The following GALNS variants were observed in gnomAD, a reference collection of about 807,000 sequenced individuals.
The protein encoded by GALNS is galactosamine (N-acetyl)-6-sulfatase.
Under a neutral mutation model 65.9 loss-of-function variants are expected in GALNS, and 65 were observed. The ratio of observed to expected loss-of-function variants is 0.99; its 90% confidence interval spans 0.81 to 1.21. The LOEUF is 1.21. GALNS is among the 50% of genes most tolerant of loss of function. GALNS has a pLI of 0.00. For missense variants in GALNS, 776 were observed against 700.7 expected, an observed-to-expected ratio of 1.11 and a Z score of -1.21; for synonymous variants, 346 against 288.9, an observed-to-expected ratio of 1.20 and a Z score of -2.00.
chr16:88,856,394 G>A, intron 1 of GALNS: 1 of 701,790 alleles, frequency 1.4e-6, no homozygotes, highest in Non-Finnish European at 2.6e-6. Context: ...CCCAAGAGTA[G>A]AGGGCGGGAA....
chr16:88,836,107 T>C, intron 6 of GALNS, 94 bp downstream of exon 6: 1 of 1,236,964 alleles, frequency 8.1e-7, no homozygotes. Context: ...GTGAGGTTGA[T>C]GCATTCCTGT....
intron 1 of GALNS, among the ~76,000 whole-genome samples, chr16:88,853,558 C>A (rs890056378): frequency 6.6e-6 from 1 of 152,308 alleles, no homozygotes; most frequent in Non-Finnish European, 1.5e-5. Flanking sequence ...GGCTGACCCT[C>A]CTTAACCCTA....
At chr16:88,846,280 G>T (rs758536821) in intron 1 of GALNS, among the ~76,000 whole-genome samples, 1 of 152,148 alleles carries the variant, frequency 6.6e-6, no homozygotes. Context: ...TAACATGGGG[G>T]TGGACCCTCA....
chr16:88,818,161 G>C (rs1464217727), intron 12 of GALNS, 37 bp from the exon 13 acceptor site: 1 of 1,507,330 alleles, frequency 6.6e-7, no homozygotes, highest in Admixed American at 1.9e-5. Context: ...GGCTGGGGCT[G>C]ACAGCGAAGG....
intron 10 of GALNS, among the ~76,000 whole-genome samples, chr16:88,825,494 TGGGGTGCCTGG>T (rs1910778063): frequency 8.0e-6 from 1 of 124,602 alleles, no homozygotes; most frequent in African/African-American, 3.1e-5. Flanking sequence ...CGGCCGGGGC[TGGGGTGCCTGG>T]ATGTCTGGGG....
intron 2 of GALNS, chr16:88,842,249 G>A (rs763439592): frequency 1.7e-6 from 1 of 579,446 alleles, no homozygotes; most frequent in Non-Finnish European, 3.1e-6. Context: ...CACCCACTGG[G>A]CGTGCAGGTC....
In GALNS at chr16:88,854,107, G is replaced by A. The variant is rs114145530; in HGVS notation, c.120+2651C>T. ...GGGGGAGACTGGGCTGGAGGCAGCC[G>A]GTCCCTGGAGGGCCATGCTCCAAAA... On this transcript the variant is annotated intron_variant, in intron 1 of 13. Coordinates refer to ENST00000268695, the MANE Select transcript of GALNS (RefSeq NM_000512.5). 4.3e-3 allele frequency among the ~76,000 whole-genome samples: 655 copies of A among 152,342 alleles called. 7 individuals carry two copies. The highest frequency in any genetic ancestry group is 0.015 in the African/African-American group (609 of 41,572).
chr16:88,825,091 ACT>A (rs1910684868), intron 10 of GALNS, among the ~76,000 whole-genome samples: 145 of 86,610 alleles, frequency 1.7e-3, no homozygotes, highest in Admixed American at 4.1e-3. Flanking sequence ...GGCTGGGGTG[ACT>A]GGGTATCTGG....
chr16:88,820,919 C>T (rs1016348741), intron 12 of GALNS, among the ~76,000 whole-genome samples: 3 of 152,136 alleles, frequency 2.0e-5, no homozygotes, highest in Non-Finnish European at 2.9e-5. Flanking sequence ...TCCCCGTGGT[C>T]CCCCTGGGAC....
At chr16:88,832,231 C>T in intron 8 of GALNS, 130 bp from the exon 9 acceptor site, 2 of 839,790 alleles carry the variant, frequency 2.4e-6, no homozygotes, top group Non-Finnish European at 2.0e-6. Flanking sequence ...GGCTGGAGTG[C>T]ATGATCCGAG....
At position 88,814,215 on chromosome 16, in the gene GALNS, G is replaced by A. The variant is rs111233947; in HGVS notation, c.*224C>T. 4 of 625,832 alleles carry A rather than the reference G, an allele frequency of 6.4e-6. No homozygotes were observed. Among genetic ancestry groups the A allele is most frequent in the Non-Finnish European group, 8.5e-6 (3 of 354,048 alleles). The allele number at this position is 625,832 out of a possible 1,614,324, so 38.8% of individuals were successfully genotyped here. A position where few individuals can be genotyped will look rare whatever the true frequency, so the allele number is the denominator to read the frequency against. On this transcript the variant is annotated 3_prime_UTR_variant, in exon 14 of 14. Coordinates refer to ENST00000268695, the MANE Select transcript of GALNS (RefSeq NM_000512.5). ...TGAGGTCTGAGGCGCCGTGGGCGAG[G>A]AGGAGGGTCCTGAAATCTGAGGCGC...
chr16:88,829,285 G>C (rs1911246491), intron 9 of GALNS, among the ~76,000 whole-genome samples: 1 of 152,204 alleles, frequency 6.6e-6, no homozygotes, highest in South Asian at 2.1e-4. Flanking sequence ...TACCCTCAGG[G>C]GGATGGCGCT....
intron 1 of GALNS, chr16:88,855,919 C>A: frequency 1.8e-6 from 1 of 546,782 alleles, no homozygotes; most frequent in East Asian, 3.1e-5. Flanking sequence ...CCAGTCCTCA[C>A]ACACAACGTG....
intron 1 of GALNS, chr16:88,856,117 C>A: frequency 1.4e-6 from 1 of 698,702 alleles, no homozygotes; most frequent in Non-Finnish European, 2.6e-6. Context: ...GGGAAGGAGG[C>A]CTCCAGGCTG....
At position 88,814,293 on chromosome 16, in the gene GALNS, G is replaced by C. The variant is rs1205121682; in HGVS notation, c.*146C>G. The C allele has an allele frequency of 6.0e-5, 65 of 1,088,294 alleles. No homozygotes were observed. Among genetic ancestry groups the C allele is most frequent in the Non-Finnish European group, 2.7e-6 (2 of 732,302 alleles). The allele number at this position is 1,088,294 out of a possible 1,614,324, so 67.4% of individuals were successfully genotyped here. On this transcript the variant is annotated 3_prime_UTR_variant, in exon 14 of 14. Coordinates refer to ENST00000268695, the MANE Select transcript of GALNS (RefSeq NM_000512.5). ...CGCCAGGGTCAGGTCCTGGGCAGGT[G>C]GAATTGTGCAGTCCCCCTGCGTCTG...
intron 1 of GALNS, among the ~76,000 whole-genome samples, chr16:88,851,795 C>T (rs569936252): frequency 9.8e-5 from 15 of 152,370 alleles, no homozygotes; most frequent in Non-Finnish European, 1.2e-4. Flanking sequence ...GAGGTGGCAG[C>T]CTGCCTGGGG....
chr16:88,852,604 T>C (rs1426734682), intron 1 of GALNS, among the ~76,000 whole-genome samples: 1 of 152,136 alleles, frequency 6.6e-6, no homozygotes, highest in Non-Finnish European at 1.5e-5. Context: ...GAGGAAGATG[T>C]TTGAATCCAT....
intron 6 of GALNS, 23 bp from the exon 7 acceptor site, chr16:88,835,872 G>A (rs778260793): frequency 1.0e-4 from 164 of 1,613,440 alleles, no homozygotes; most frequent in Middle Eastern, 1.7e-4. Context: ...CCACACCGTC[G>A]TCCTCCAGCC....
At position 88,818,129 on chromosome 16, in the gene GALNS, G is replaced by C. The variant is rs1363423668; in HGVS notation, c.1365-5C>G. On this transcript the variant is annotated splice_polypyrimidine_tract_variant and splice_region_variant and intron_variant, in intron 12 of 13. Coordinates refer to ENST00000268695, the MANE Select transcript of GALNS (RefSeq NM_000512.5). Reference sequence around the variant, plus strand: ...TGGTACTCGGCGCTGGCAAAGCTGGGGACAGAGAGCTCTGGTCACACGGCT... The same window carrying C: ...TGGTACTCGGCGCTGGCAAAGCTGGCGACAGAGAGCTCTGGTCACACGGCT... The C allele has an allele frequency of 6.4e-7, 1 of 1,570,946 alleles. No homozygotes were observed. The highest frequency in any genetic ancestry group is 1.8e-5 in the Admixed American group (1 of 54,546).
Sources: gnomAD v4.1 joint callset for allele counts (sites outside exome capture counted in the v4.1 genomes callset) on GRCh38, gnomAD v4.1.1 for gene constraint, MANE v1.5 for transcripts, NCBI Gene and HGNC (gene_info 2026-07-23, HGNC 2026-07-21) for gene names.